Variants in BACE2 observed in about 807,000 individuals in gnomAD.
BACE2 encodes the protein beta-secretase 2.
Under a neutral mutation model 46.2 loss-of-function variants are expected in BACE2, and 17 were observed. The ratio of observed to expected loss-of-function variants is 0.37; its 90% confidence interval spans 0.25 to 0.55. BACE2 has a LOEUF of 0.55. Ranked by LOEUF, BACE2 falls within the 20% of genes least tolerant of loss-of-function variation. BACE2 has a pLI of 0.82. For missense variants in BACE2, 595 were observed against 698.1 expected, an observed-to-expected ratio of 0.85 and a Z score of 1.66; for synonymous variants, 277 against 295.9, an observed-to-expected ratio of 0.94 and a Z score of 0.66.
At chr21:41,249,512 A>T (rs533139557) in intron 6 of BACE2, among the ~76,000 whole-genome samples, 13 of 152,134 alleles carry the variant, frequency 8.5e-5, no homozygotes, top group African/African-American at 3.1e-4. Context: ...TCACAGTGGC[A>T]CCCCTCGTTC....
intron 1 of BACE2, among the ~76,000 whole-genome samples, chr21:41,214,651 C>T (rs140124381): frequency 6.6e-6 from 1 of 152,362 alleles, no homozygotes; most frequent in Non-Finnish European, 1.5e-5. Context: ...ATGTGCATTT[C>T]TGCCACTTGC....
At chr21:41,227,217 G>A (rs1044092770) in intron 2 of BACE2, among the ~76,000 whole-genome samples, 2 of 152,200 alleles carry the variant, frequency 1.3e-5, no homozygotes, top group African/African-American at 2.4e-5. Context: ...TCAACGGACA[G>A]AACAGGTAAA....
At position 41,269,801 on chromosome 21, in the gene BACE2, A is replaced by G. The variant is rs551328749; in HGVS notation, c.1304-5570A>G. 5.3e-5 allele frequency among the ~76,000 whole-genome samples: 8 copies of G among 152,380 alleles called. No homozygotes were observed. The South Asian group carries it at 1.4e-3, about 28-fold the overall frequency. The stretch of plus-strand genomic sequence containing the variant: ...ATTATAAATAAAGCTGCTATCAACA[A>G]TAGCATGCAAGTCCTTGGACATATA... On this transcript the variant is annotated intron_variant, in intron 8 of 8. Transcript: ENST00000330333.
intron 8 of BACE2, among the ~76,000 whole-genome samples, chr21:41,271,408 A>C (rs1442351481): frequency 6.6e-6 from 1 of 152,218 alleles, no homozygotes; most frequent in East Asian, 1.9e-4. Context: ...GCTAACCTAA[A>C]AAGCTTAACA....
intron 7 of BACE2, among the ~76,000 whole-genome samples, chr21:41,255,499 G>A (rs756391705): frequency 2.0e-5 from 3 of 152,208 alleles, no homozygotes; most frequent in Non-Finnish European, 2.9e-5. Context: ...TGAAGAAAGC[G>A]TCCACACGGA....
intron 1 of BACE2, among the ~76,000 whole-genome samples, chr21:41,213,456 C>T (rs189900173): frequency 1.3e-5 from 2 of 152,150 alleles, no homozygotes; most frequent in Admixed American, 1.3e-4. Context: ...GAATATCAAA[C>T]CCCACAAATC....
At chr21:41,169,003 C>T (rs980526171) in intron 1 of BACE2, among the ~76,000 whole-genome samples, 2 of 144,608 alleles carry the variant, frequency 1.4e-5, no homozygotes, top group South Asian at 2.3e-4. Flanking sequence ...CGCCCCCCCC[C>T]CACCCCACCA....
chr21:41,225,350 T>C (rs546948909), intron 1 of BACE2: 1 of 152,286 alleles, frequency 6.6e-6, no homozygotes, highest in South Asian at 2.1e-4. Context: ...TCCATAGCTG[T>C]CTTATTCATA....
At chr21:41,201,224 A>G (rs537477261) in intron 1 of BACE2, among the ~76,000 whole-genome samples, 1 of 152,352 alleles carries the variant, frequency 6.6e-6, no homozygotes, top group South Asian at 2.1e-4. Context: ...GTAAATGCAT[A>G]TAACAGACAC....
chr21:41,193,125 A>T lies in BACE2; in HGVS notation c.312+24550A>T, dbSNP rs1243559860. ...TGGACCAGTGTGATATCTCGTGGAAACGAAAAGCGATCAAGGTCTCTCCAA... is the reference window on the plus strand; with the variant it reads ...TGGACCAGTGTGATATCTCGTGGAATCGAAAAGCGATCAAGGTCTCTCCAA... On this transcript the variant is annotated intron_variant, in intron 1 of 8. Coordinates refer to ENST00000330333, the MANE Select transcript of BACE2 (RefSeq NM_012105.5). This position sits in a 1 kb window ranked among gnomAD's most constrained non-coding sequence, Gnocchi z 4.2. 6.6e-6 allele frequency among the ~76,000 whole-genome samples: 1 copy of T among 152,218 alleles called. No homozygotes were observed. The highest frequency in any genetic ancestry group is 1.9e-4 in the East Asian group (1 of 5,192).
chr21:41,192,831 A>T (rs911878527), intron 1 of BACE2, among the ~76,000 whole-genome samples: 1 of 152,210 alleles, frequency 6.6e-6, no homozygotes, highest in African/African-American at 2.4e-5. Context: ...CAAATGAGGA[A>T]TGTGTTCCCT....
chr21:41,247,920 C>T (rs1255484121), intron 6 of BACE2, among the ~76,000 whole-genome samples: 1 of 152,162 alleles, frequency 6.6e-6, no homozygotes, highest in Non-Finnish European at 1.5e-5. Flanking sequence ...TCTACCAGTT[C>T]CAGTAAGCCA....
chr21:41,250,583 T>G (rs564493225), intron 6 of BACE2, among the ~76,000 whole-genome samples, 169 bp from the exon 7 acceptor site: 1 of 152,344 alleles, frequency 6.6e-6, no homozygotes, highest in African/African-American at 2.4e-5. Flanking sequence ...CATTATTATT[T>G]TGTCATCACC....
intron 2 of BACE2, among the ~76,000 whole-genome samples, chr21:41,233,059 G>A (rs1436849212): frequency 1.3e-5 from 2 of 151,944 alleles, no homozygotes; most frequent in East Asian, 1.9e-4. Flanking sequence ...CAGTAGAGAC[G>A]GGGTTTCACC....
At chr21:41,228,010 T>C (rs569600696) in intron 2 of BACE2, among the ~76,000 whole-genome samples, 2 of 152,282 alleles carry the variant, frequency 1.3e-5, no homozygotes, top group African/African-American at 4.8e-5. Flanking sequence ...GCACAGGAGT[T>C]CAGAGAGACA....
intron 1 of BACE2, among the ~76,000 whole-genome samples, chr21:41,220,099 T>G (rs1986595828): frequency 6.6e-6 from 1 of 152,130 alleles, no homozygotes; most frequent in Non-Finnish European, 1.5e-5. Context: ...CTAGATTTAC[T>G]CACAGAACTC....
intron 8 of BACE2, among the ~76,000 whole-genome samples, chr21:41,274,477 A>C (rs377728454): frequency 1.3e-5 from 2 of 152,182 alleles, no homozygotes; most frequent in African/African-American, 4.8e-5. Flanking sequence ...TCTGTGATTA[A>C]ATATAGGAAA....
At chr21:41,239,749 G>A (rs976544760) in intron 3 of BACE2, among the ~76,000 whole-genome samples, 34 of 152,230 alleles carry the variant, frequency 2.2e-4, no homozygotes, top group African/African-American at 8.2e-4. Context: ...CAGGCATGGA[G>A]CTTCTCACTG....
rs374163655 is a variant in BACE2, at chr21:41,187,129, T to C, written c.312+18554T>C. ...TGTGTGTCATGGAGGAGGTTATAAATGTGGGCCACTGAGACCCACTCCCCA... is the reference window on the plus strand; with the variant it reads ...TGTGTGTCATGGAGGAGGTTATAAACGTGGGCCACTGAGACCCACTCCCCA... On this transcript the variant is annotated intron_variant, in intron 1 of 8. Transcript: ENST00000330333. Among the ~76,000 whole-genome samples the C allele has an allele frequency of 1.4e-4, 22 of 152,146 alleles. 1 individual carries two copies. The East Asian group carries it at 1.7e-3, about 12-fold the overall frequency.
Sources: allele counts gnomAD v4.1 joint callset (sites outside exome capture counted in the v4.1 genomes callset), GRCh38; gene constraint gnomAD v4.1.1; non-coding constraint Gnocchi (gnomAD v3.1); transcripts MANE v1.5; gene names NCBI Gene and HGNC (gene_info 2026-07-23, HGNC 2026-07-21).